Variants in FCRLA observed in about 807,000 individuals in gnomAD.
FCRLA encodes the protein Fc receptor like A.
Under a neutral mutation model 28.4 loss-of-function variants are expected in FCRLA, and 26 were observed. The ratio of observed to expected loss-of-function variants is 0.91; its 90% CI spans 0.67 to 1.27. The LOEUF is 1.27. Ranked by LOEUF, FCRLA falls within the 50% of genes most tolerant of loss-of-function variation. FCRLA has a pLI of 0.00. For synonymous variants in FCRLA, 174 were observed against 168.5 expected, an observed-to-expected ratio of 1.03 and a Z score of -0.25; for missense variants, 422 against 433.1, an observed-to-expected ratio of 0.97 and a Z score of 0.23.
At position 161,712,119 on chromosome 1, in the gene FCRLA, A is replaced by G. The variant is rs202224797; in HGVS notation, c.685A>G (p.Thr229Ala). The G allele has an allele frequency of 6.2e-7, 1 of 1,614,148 alleles. No individual in the cohort carries two copies. Among genetic ancestry groups the G allele is most frequent in the African/African-American group, 1.3e-5 (1 of 75,024 alleles). Residue 229 changes from threonine (T) to alanine (A), a missense_variant, in exon 4 of 5, where the codon ACA (threonine) becomes GCA (alanine). By Grantham distance (58) the Thr-to-Ala change is moderately conservative. Around this residue, in one of 3 missense-constraint regions of FCRLA, gnomAD observed 185 missense variants for 198.1 expected, o/e 0.93. Transcript: ENST00000236938. ...GCTCTCCTCAGAATTCCAGATCCCC[A>G]CAGCTTCAGAAGATCACTCCGGGTC... is the stretch of plus-strand genomic sequence containing the variant. ...RGLSSEFQIP[T>A]ASEDHSGSYW...
intron 4 of FCRLA, among the ~76,000 whole-genome samples, 176 bp from the exon 5 acceptor site, chr1:161,712,909 A>T (rs1031070391): frequency 5.9e-5 from 9 of 152,220 alleles, no homozygotes; most frequent in Non-Finnish European, 1.3e-4. Context: ...TTTCAAACAG[A>T]AGTGGCCAAG....
At chr1:161,712,500 C>T (rs1300170175) in intron 4 of FCRLA, among the ~76,000 whole-genome samples, 2 of 152,098 alleles carry the variant, frequency 1.3e-5, no homozygotes, top group Non-Finnish European at 2.9e-5. Context: ...GCTCTCTGGG[C>T]ATTTATAGGA....
In FCRLA at chr1:161,707,246, A is replaced by T. The variant is rs145379693; in HGVS notation, c.-19A>T. 9.0e-5 allele frequency: 145 copies of T among 1,613,982 alleles called. No individual in the cohort carries two copies. In the African/African-American group the frequency reaches 1.9e-3, roughly 21 times the overall value. On this transcript the variant is annotated 5_prime_UTR_variant, in exon 1 of 5. Coordinates refer to ENST00000236938, the MANE Select transcript of FCRLA (RefSeq NM_032738.4). ...AGAAAATCAGTGTTGGGGTTGCAGGAGACCTAAACACAGTCACCATGAAGC... is the reference window on the plus strand; with the variant it reads ...AGAAAATCAGTGTTGGGGTTGCAGGTGACCTAAACACAGTCACCATGAAGC...
rs1421220667 is a variant in FCRLA, at chr1:161,710,842, T to C, written c.162T>C (p.Asp54=). Residue 54 remains aspartate (D), a synonymous_variant, in exon 2 of 5, where the codon GAT becomes GAC. Transcript: ENST00000236938. ...SSCHTEDDLT[D]AREAGFQVKA... Reference sequence around the variant, plus strand: ...GCCACACGGAGGATGACTTGACTGATGCAAGGGAAGCTGGCTTCCAGGTCA... The same window carrying C: ...GCCACACGGAGGATGACTTGACTGACGCAAGGGAAGCTGGCTTCCAGGTCA... The C allele has an allele frequency of 6.2e-6, 10 of 1,613,918 alleles. No homozygotes were observed. The highest frequency in any genetic ancestry group is 8.5e-6 in the Non-Finnish European group (10 of 1,180,034).
chr1:161,709,118 G>GATTTT (rs59658519), intron 1 of FCRLA, among the ~76,000 whole-genome samples: 2,036 of 152,124 alleles, frequency 0.013, 58 homozygotes, highest in African/African-American at 0.047. Context: ...AACCCAACAA[G>GATTTT]ATTTTATTTT....
chr1:161,710,509 T>C (rs1366207531), intron 1 of FCRLA: 1 of 1,550,654 alleles, frequency 6.4e-7, no homozygotes, highest in Admixed American at 2.0e-5. Context: ...TTCACCATTC[T>C]TTCATTCTCT....
chr1:161,713,538 A>G lies in FCRLA; in HGVS notation c.*158A>G. The G allele has an allele frequency of 1.6e-6, 1 of 617,780 alleles. No individual in the cohort carries two copies. Among genetic ancestry groups the G allele is most frequent in the South Asian group, 2.2e-5 (1 of 45,472 alleles). The allele number at this position is 617,780 out of a possible 1,614,324, so 38.3% of individuals were successfully genotyped here. A position where few individuals can be genotyped will look rare whatever the true frequency, so the allele number is the denominator to read the frequency against. On this transcript the variant is annotated 3_prime_UTR_variant, in exon 5 of 5. Transcript: ENST00000236938. ...AGGTGAGTGTAAATAAATTTATATA[A>G]AGTGAGAATTAGAGTTTAGCTATAA...
chr1:161,709,160 C>T (rs1476372183), intron 1 of FCRLA, among the ~76,000 whole-genome samples: 1 of 152,172 alleles, frequency 6.6e-6, no homozygotes, highest in Non-Finnish European at 1.5e-5. Context: ...CAGGGTCTCG[C>T]TCTGCCACCC....
Position 161,711,937 on chromosome 1 carries a change from T to G in FCRLA, c.503T>G (p.Leu168Arg), listed in dbSNP as rs772399538. The G allele has an allele frequency of 6.2e-7, 1 of 1,607,834 alleles. No homozygotes were observed. The highest frequency in any genetic ancestry group is 8.5e-7 in the Non-Finnish European group (1 of 1,176,462). Residue 168 changes from leucine to arginine, a missense_variant, in exon 4 of 5, where the codon CTG becomes CGG. By Grantham distance (102) the Leu-to-Arg change is moderately radical. Coordinates refer to ENST00000236938, the MANE Select transcript of FCRLA (RefSeq NM_032738.4). ...TTCCTGCCTATCTTTTTCCCAGAAC[T>G]GTTTCCAGCGCCAATTCTCAGAGCT... ...ASVVAITVQE[L>R]FPAPILRAVP...
chr1:161,712,491 C>G (rs1683156266), intron 4 of FCRLA, among the ~76,000 whole-genome samples: 1 of 152,182 alleles, frequency 6.6e-6, no homozygotes, highest in Non-Finnish European at 1.5e-5. Flanking sequence ...CCCCAACATG[C>G]TCTCTGGGCA....
Position 161,713,135 on chromosome 1 carries a change from T to C in FCRLA, c.835T>C (p.Ser279Pro), listed in dbSNP as rs746055436. ...PPTLNPAPQK[S>P]AAPGTAPEEA... ...CACATTGAATCCAGCTCCTCAGAAA[T>C]CAGCTGCTCCAGGAACTGCTCCTGA... Residue 279 changes from serine to proline, a missense_variant, in exon 5 of 5, where the codon TCA becomes CCA. By Grantham distance (74) the Ser-to-Pro change is moderately conservative. This residue lies in a region of FCRLA where 185 missense variants were observed against 198.1 expected (regional missense o/e 0.93). Coordinates refer to ENST00000236938, the MANE Select transcript of FCRLA (RefSeq NM_032738.4). 7 of 1,614,100 alleles carry C rather than the reference T, an allele frequency of 4.3e-6. No homozygotes were observed. Among genetic ancestry groups the C allele is most frequent in the South Asian group, 2.2e-5 (2 of 91,076 alleles).
chr1:161,711,072 G>A (rs1406258559), intron 2 of FCRLA, 136 bp from the exon 3 acceptor site: 14 of 1,439,184 alleles, frequency 9.7e-6, no homozygotes, highest in South Asian at 1.3e-5. Context: ...TAGGCCCTAG[G>A]GAAGTTGTCC....
At chr1:161,711,616 C>CGAAAGGGACGAGACCTCAGCCTTTT in intron 3 of FCRLA, 142 bp downstream of exon 3, 1 of 1,073,548 alleles carries the variant, frequency 9.3e-7, no homozygotes, top group Non-Finnish European at 1.3e-6. Context: ...AGTTGGGCTT[C>CGAAAGGGACGAGACCTCAGCCTTTT]GAAAGGGACG....
At chr1:161,707,384 T>G in intron 1 of FCRLA, 41 bp downstream of exon 1, 1 of 1,536,574 alleles carries the variant, frequency 6.5e-7, no homozygotes, top group Non-Finnish European at 8.7e-7. Flanking sequence ...AATGGAGCTT[T>G]GCTTACCTTG....
chr1:161,712,436 G>A (rs1683151944), intron 4 of FCRLA, among the ~76,000 whole-genome samples: 1 of 152,120 alleles, frequency 6.6e-6, no homozygotes. Flanking sequence ...CAGACCAAGA[G>A]CTGAGCCAGC....
intron 3 of FCRLA, 37 bp from the exon 4 acceptor site, chr1:161,711,897 T>C (rs758321957): frequency 1.9e-6 from 3 of 1,573,638 alleles, no homozygotes; most frequent in East Asian, 2.2e-5. Context: ...GTATATAAGA[T>C]GGCTGAGCTC....
At chr1:161,709,189 G>T (rs1216399652) in intron 1 of FCRLA, among the ~76,000 whole-genome samples, 1 of 152,072 alleles carries the variant, frequency 6.6e-6, no homozygotes, top group Admixed American at 6.5e-5. Context: ...GTGCAGTGGT[G>T]CAATCACTGC....
In FCRLA at chr1:161,711,138, A is replaced by C. The variant is rs1022058270; in HGVS notation, c.233-70A>C. The C allele has an allele frequency of 1.9e-6, 3 of 1,547,492 alleles. No individual in the cohort carries two copies. In the African/African-American group the frequency reaches 4.1e-5, roughly 21 times the overall value. On this transcript the variant is annotated intron_variant, in intron 2 of 4. Transcript: ENST00000236938. The stretch of plus-strand genomic sequence containing the variant: ...TGGACCCTCAGAGAAAGTTTAGGGG[A>C]GTAGGCATGCTTGGGGGTGGCCCCC...
Position 161,710,548 on chromosome 1 carries a change from A to G in FCRLA, c.80-212A>G, listed in dbSNP as rs943700171. On this transcript the variant is annotated intron_variant, in intron 1 of 4. Transcript: ENST00000236938. ...CTCCCTCTTCTCCAAACCACAGTGC[A>G]TTTGCTGAGAGCACCTGGACGCCAG... 22 of 1,533,700 alleles carry G rather than the reference A, an allele frequency of 1.4e-5. No homozygotes were observed. In the Admixed American group the frequency reaches 3.9e-4, roughly 27 times the overall value.
Sources: allele counts gnomAD v4.1 joint callset (sites outside exome capture counted in the v4.1 genomes callset), GRCh38; gene constraint gnomAD v4.1.1; regional missense constraint gnomAD v4.1.1; transcripts MANE v1.5; gene names NCBI Gene and HGNC (gene_info 2026-07-23, HGNC 2026-07-21).